TRAF3: variants seen among roughly 807,000 people sequenced by gnomAD.
TRAF3 encodes TNF receptor associated factor 3, also known as TNF receptor-associated factor 3.
A neutral mutation model predicts 62.3 loss-of-function variants in TRAF3; 13 were observed. That is an observed-to-expected ratio of 0.21 (90% CI 0.14 to 0.33). The LOEUF (loss-of-function observed/expected upper bound fraction) is 0.33, where lower values mean the gene tolerates loss of function less well. TRAF3 is among the 10% of genes least tolerant of loss of function. The pLI is 1.00. For missense variants in TRAF3, 440 were observed against 741.8 expected, an observed-to-expected ratio of 0.59 and a Z score of 4.73; for synonymous variants, 269 against 283.4, an observed-to-expected ratio of 0.95 and a Z score of 0.51.
rs1293148576 is a variant in TRAF3, at chr14:102,910,007, T to A, written c.*4223T>A. On this transcript the variant is annotated 3_prime_UTR_variant, in exon 12 of 12. Transcript: ENST00000392745. Reference sequence around the variant, plus strand: ...CCCAAGGGAGGGCCGGGGAGTACACTGATCCCAACAGCTGGGCTGACACCT... The same window carrying A: ...CCCAAGGGAGGGCCGGGGAGTACACAGATCCCAACAGCTGGGCTGACACCT... 1.3e-5 allele frequency: 2 copies of A among 152,274 alleles called. No homozygotes were observed. Among genetic ancestry groups the A allele is most frequent in the African/African-American group, 2.4e-5 (1 of 41,446 alleles). The allele number at this position is 152,274 out of a possible 1,614,324, so 9.4% of individuals were successfully genotyped here. A position where few individuals can be genotyped will look rare whatever the true frequency, so the allele number is the denominator to read the frequency against.
intron 1 of TRAF3, among the ~76,000 whole-genome samples, chr14:102,824,507 C>T (rs60040364): frequency 4.9e-4 from 74 of 152,326 alleles, no homozygotes; most frequent in African/African-American, 1.7e-3. Flanking sequence ...AATGATTTGT[C>T]TATGTTTTCC....
chr14:102,833,048 A>C (rs763204035), intron 2 of TRAF3, among the ~76,000 whole-genome samples: 1 of 152,230 alleles, frequency 6.6e-6, no homozygotes, highest in African/African-American at 2.4e-5. Flanking sequence ...TGTGACCTCC[A>C]TGTGCACTGT....
chr14:102,872,709 T>G (rs1405580273), intron 4 of TRAF3, among the ~76,000 whole-genome samples: 1 of 151,776 alleles, frequency 6.6e-6, no homozygotes, highest in Non-Finnish European at 1.5e-5. Context: ...CTTTTTTTTT[T>G]GCGACAGAGT....
At chr14:102,835,067 AC>A (rs765627121) in intron 2 of TRAF3, among the ~76,000 whole-genome samples, 13 of 152,200 alleles carry the variant, frequency 8.5e-5, no homozygotes, top group Non-Finnish European at 1.2e-4. Context: ...AAGAAAAAAA[AC>A]AACCCCATTA....
At position 102,908,433 on chromosome 14, in the gene TRAF3, G is replaced by C. The variant is rs1180372906; in HGVS notation, c.*2649G>C. On this transcript the variant is annotated 3_prime_UTR_variant, in exon 12 of 12. Transcript: ENST00000392745. ...CATGTACTCAACACAGTGGGCAGCA[G>C]CCTGGGACGGCGTCCCCTCTCCCGG... 6.6e-6 allele frequency: 1 copy of C among 152,384 alleles called. No individual in the cohort carries two copies. Among genetic ancestry groups the C allele is most frequent in the Non-Finnish European group, 1.5e-5 (1 of 68,148 alleles). The allele number at this position is 152,384 out of a possible 1,614,324, so 9.4% of individuals were successfully genotyped here.
rs372089179 is a variant in TRAF3 at position 102,905,704 on chromosome 14, C to G, written c.1627C>G (p.Leu543Val). ...CCCAGTCTTTGTGGCCCAAACTGTT[C>G]TAGAAAATGGGACATATATTAAAGA... ...GCPVFVAQTV[L>V]ENGTYIKDDT... The change falls in exon 12 of 12, where the codon CTA becomes GTA. Residue 543 changes from leucine (L) to valine (V), a missense_variant. Around this residue, in one of 6 missense-constraint regions of TRAF3, gnomAD observed 59 missense variants for 120.9 expected, o/e 0.49. Transcript: ENST00000392745. 9 of 1,612,298 alleles carry G rather than the reference C, an allele frequency of 5.6e-6. No individual in the cohort carries two copies. The African/African-American group carries it at 6.7e-5, about 12-fold the overall frequency.
intron 4 of TRAF3, among the ~76,000 whole-genome samples, chr14:102,874,279 CAG>C (rs1338191680): frequency 6.6e-6 from 1 of 152,124 alleles, no homozygotes; most frequent in African/African-American, 2.4e-5. Flanking sequence ...CTTTTTGAGA[CAG>C]AGTCTCACTC....
chr14:102,780,519 C>CT lies in TRAF3; in HGVS notation c.-157+2856dup, dbSNP rs35556588. On this transcript the variant is annotated intron_variant, in intron 1 of 11. Coordinates refer to ENST00000392745, the MANE Select transcript of TRAF3 (RefSeq NM_145725.3). ...AGTTTTTTACTATTAAGCATAATACCTTTTTTTTTTTTCTTTCGGTGAAGC... is the reference window on the plus strand; with the variant it reads ...AGTTTTTTACTATTAAGCATAATACCTTTTTTTTTTTTTCTTTCGGTGAAGC... Among the ~76,000 whole-genome samples, 269 of 146,586 alleles carry CT rather than the reference C, an allele frequency of 1.8e-3. 2 individuals are homozygous for CT. The highest frequency in any genetic ancestry group is 5.3e-3 in the African/African-American group (212 of 39,978).
At chr14:102,795,862 T>C (rs796209106) in intron 1 of TRAF3, among the ~76,000 whole-genome samples, 14 of 152,244 alleles carry the variant, frequency 9.2e-5, no homozygotes, top group African/African-American at 3.4e-4. Context: ...ATCATGGTTT[T>C]TTGTCCAGAA....
intron 1 of TRAF3, chr14:102,809,162 A>G (rs562847693): frequency 6.6e-6 from 1 of 152,064 alleles, no homozygotes; most frequent in African/African-American, 2.4e-5. Context: ...AATTTTTTGT[A>G]TTTTTAGTAA....
intron 3 of TRAF3, among the ~76,000 whole-genome samples, chr14:102,870,762 G>A (rs987810430): frequency 1.3e-5 from 2 of 152,202 alleles, no homozygotes; most frequent in South Asian, 2.1e-4. Flanking sequence ...AGATACACCA[G>A]GAAATGACAA....
At chr14:102,855,443 C>T (rs976555672) in intron 2 of TRAF3, among the ~76,000 whole-genome samples, 1 of 152,120 alleles carries the variant, frequency 6.6e-6, no homozygotes, top group African/African-American at 2.4e-5. Flanking sequence ...TGCGTTTCCA[C>T]AGCAGTATAT....
intron 2 of TRAF3, among the ~76,000 whole-genome samples, chr14:102,843,025 T>C (rs982515624): frequency 6.6e-6 from 1 of 151,786 alleles, no homozygotes; most frequent in African/African-American, 2.4e-5. Flanking sequence ...CTGGCCAACA[T>C]GGTGAAACCT....
At chr14:102,828,089 T>A (rs1051025064) in intron 1 of TRAF3, among the ~76,000 whole-genome samples, 2 of 152,246 alleles carry the variant, frequency 1.3e-5, no homozygotes. Flanking sequence ...ACAGCCATCC[T>A]CCAGTAAAAA....
At chr14:102,889,184 GCTTT>G (rs1247125125) in intron 7 of TRAF3, among the ~76,000 whole-genome samples, 3 of 152,154 alleles carry the variant, frequency 2.0e-5, no homozygotes, top group African/African-American at 2.4e-5. Flanking sequence ...CATTCTGAAT[GCTTT>G]CTATTTTTTT....
intron 1 of TRAF3, among the ~76,000 whole-genome samples, chr14:102,793,566 C>T (rs1897915936): frequency 2.0e-5 from 3 of 152,142 alleles, no homozygotes; most frequent in Admixed American, 2.0e-4. Flanking sequence ...ACATCTCTGG[C>T]TGGGATGATG....
Position 102,777,487 on chromosome 14 carries a change from G to A in TRAF3, c.-345G>A, listed in dbSNP as rs1373115931. ...AGGGAGCGAGGGAGCGAGGGAGCGC[G>A]GCGCGGCCGCCGCGTGCGCGAGCCG... On this transcript the variant is annotated 5_prime_UTR_variant, in exon 1 of 12. Coordinates refer to ENST00000392745, the MANE Select transcript of TRAF3 (RefSeq NM_145725.3). 6.9e-6 allele frequency: 1 copy of A among 144,608 alleles called. No individual in the cohort carries two copies. The highest frequency in any genetic ancestry group is 2.5e-5 in the African/African-American group (1 of 40,296). 9.0% of individuals were successfully genotyped at this position (144,608 alleles called of 1,614,324 possible). A position where few individuals can be genotyped will look rare whatever the true frequency, so the allele number is the denominator to read the frequency against.
intron 7 of TRAF3, among the ~76,000 whole-genome samples, chr14:102,887,385 G>T (rs1343778651): frequency 6.6e-6 from 1 of 152,234 alleles, no homozygotes; most frequent in Non-Finnish European, 1.5e-5. Flanking sequence ...AGGGACTCAG[G>T]GTAGAGGAGG....
intron 1 of TRAF3, among the ~76,000 whole-genome samples, chr14:102,790,772 T>C (rs1474070007): frequency 6.6e-6 from 1 of 152,128 alleles, no homozygotes; most frequent in Non-Finnish European, 1.5e-5. Flanking sequence ...TACTGAAGCT[T>C]TGTAGTAAGT....
Sources: gnomAD v4.1 joint callset for allele counts (sites outside exome capture counted in the v4.1 genomes callset) on GRCh38, gnomAD v4.1.1 for gene constraint, gnomAD v4.1.1 regional missense constraint, MANE v1.5 for transcripts, NCBI Gene and HGNC (gene_info 2026-07-23, HGNC 2026-07-21) for gene names.